SFMBT2: variants seen among roughly 807,000 people sequenced by gnomAD.
SFMBT2 encodes the protein scm-like with four MBT domains protein 2.
A neutral mutation model predicts 110.1 loss-of-function variants in SFMBT2; 38 were observed. The ratio of observed to expected loss-of-function variants is 0.35; its 90% CI spans 0.27 to 0.45. The LOEUF is 0.45. Ranked by LOEUF, SFMBT2 falls within the 20% of genes least tolerant of loss-of-function variation. SFMBT2 has a pLI of 1.00. For synonymous variants in SFMBT2, 425 were observed against 425.4 expected, an observed-to-expected ratio of 1.00 and a Z score of 0.01; for missense variants, 1,011 against 1,094.9, an observed-to-expected ratio of 0.92 and a Z score of 1.08.
chr10:7,364,741 G>A (rs534018131), intron 4 of SFMBT2, among the ~76,000 whole-genome samples: 3 of 152,310 alleles, frequency 2.0e-5, no homozygotes, highest in East Asian at 3.9e-4. Flanking sequence ...CCCACTCTAT[G>A]TGCCCCCTCT....
Position 7,252,614 on chromosome 10 carries a change from T to C in SFMBT2, c.871-3965A>G, listed in dbSNP as rs116948794. On this transcript the variant is annotated intron_variant, in intron 7 of 20. Transcript: ENST00000397167. ...ATGCGGGATGAAAATAAAAATAGCATGACATTAAAATATTCTTAAACAGTT... is the reference window on the plus strand; with the variant it reads ...ATGCGGGATGAAAATAAAAATAGCACGACATTAAAATATTCTTAAACAGTT... 5.7e-3 allele frequency among the ~76,000 whole-genome samples: 867 copies of C among 152,298 alleles called. 2 individuals carry two copies. The highest frequency in any genetic ancestry group is 8.0e-3 in the Non-Finnish European group (544 of 68,016).
At position 7,172,044 on chromosome 10, in the gene SFMBT2, G is replaced by A. The variant is rs747828301; in HGVS notation, c.2266C>T (p.Arg756Trp). The A allele has an allele frequency of 2.0e-5, 32 of 1,592,918 alleles. No individual in the cohort carries two copies. In the African/African-American group the frequency reaches 2.1e-4, roughly 11 times the overall value. The stretch of plus-strand genomic sequence containing the variant: ...CGCAGGGTGACGGCCCTCCGGGGCC[G>A]GGCCGAGGGCACCTCCGCCGACGAG... ...DTSSAEVPSA[R>W]PRRAVTLRSG... Residue 756 changes from arginine to tryptophan, a missense_variant, in exon 19 of 21, where the codon CGG (arginine) becomes TGG (tryptophan). Physicochemically the swap from Arg to Trp is moderately radical, Grantham distance 101. This residue lies in a region of SFMBT2 where 979 missense variants were observed against 1,016.1 expected (regional missense o/e 0.96). Coordinates refer to ENST00000397167, the MANE Select transcript of SFMBT2 (RefSeq NM_001387889.1). This position sits in a 1 kb window ranked among gnomAD's most constrained non-coding sequence, Gnocchi z 4.6.
In SFMBT2 at chr10:7,172,607, T is replaced by A. The variant is rs150794309; in HGVS notation, c.2039A>T (p.Asn680Ile). 3.5e-5 allele frequency: 57 copies of A among 1,614,162 alleles called. No individual in the cohort carries two copies. In the East Asian group the frequency reaches 1.3e-3, roughly 36 times the overall value. ...KISKPPIGES[N>I]PDSGHPKPAR... is the part of the protein sequence containing the mutation. ...GGGTTTGGGGTGTCCGCTGTCGGGG[T>A]TGCTTTCCCCGATGGGGGGCTTGGA... Residue 680 changes from asparagine (N) to isoleucine (I), a missense_variant, in exon 18 of 21, where the codon AAC becomes ATC. Around this residue, in one of 2 missense-constraint regions of SFMBT2, gnomAD observed 979 missense variants for 1,016.1 expected, o/e 0.96. Coordinates refer to ENST00000397167, the MANE Select transcript of SFMBT2 (RefSeq NM_001387889.1). This position sits in a 1 kb window ranked among gnomAD's most constrained non-coding sequence, Gnocchi z 4.6.
At chr10:7,284,424 T>G (rs1842032050) in intron 5 of SFMBT2, 2 of 1,169,956 alleles carry the variant, frequency 1.7e-6, no homozygotes, top group Non-Finnish European at 2.1e-6. Flanking sequence ...ACCAAACAAA[T>G]CACCCTTCCC....
chr10:7,216,187 C>A (rs1839529975), intron 11 of SFMBT2, among the ~76,000 whole-genome samples: 1 of 152,216 alleles, frequency 6.6e-6, no homozygotes, highest in Non-Finnish European at 1.5e-5. Context: ...GCCGACCCCG[C>A]TCCCATCGCA....
chr10:7,187,621 T>C (rs1005848191), intron 16 of SFMBT2, among the ~76,000 whole-genome samples: 1 of 152,232 alleles, frequency 6.6e-6, no homozygotes, highest in African/African-American at 2.4e-5. Context: ...ACACCAGGAA[T>C]GCTAAGTGGA....
chr10:7,286,987 A>C (rs893873526), intron 4 of SFMBT2, among the ~76,000 whole-genome samples: 1 of 151,092 alleles, frequency 6.6e-6, no homozygotes, highest in African/African-American at 2.4e-5. Context: ...AGGGAAACTG[A>C]GGCTGTTTCA....
At chr10:7,229,357 G>T (rs1840043258) in intron 9 of SFMBT2, among the ~76,000 whole-genome samples, 1 of 152,068 alleles carries the variant, frequency 6.6e-6, no homozygotes, top group Non-Finnish European at 1.5e-5. Flanking sequence ...GAGGCGGGTG[G>T]ATCACAAGAT....
intron 4 of SFMBT2, among the ~76,000 whole-genome samples, chr10:7,286,991 T>C (rs1842109523): frequency 6.6e-6 from 1 of 151,872 alleles, no homozygotes; most frequent in African/African-American, 2.4e-5. Flanking sequence ...AAACTGAGGC[T>C]GTTTCAGTTA....
At chr10:7,358,797 G>A (rs1031843097) in intron 4 of SFMBT2, among the ~76,000 whole-genome samples, 1 of 150,336 alleles carries the variant, frequency 6.7e-6, no homozygotes, top group African/African-American at 2.5e-5. Context: ...ATGGAGGCAT[G>A]GTGGCCCTGG....
intron 1 of SFMBT2, among the ~76,000 whole-genome samples, chr10:7,387,263 T>G (rs1845633890): frequency 6.6e-6 from 1 of 152,136 alleles, no homozygotes; most frequent in Admixed American, 6.5e-5. Context: ...CTTAGCAAAT[T>G]CTAAGACACA....
chr10:7,357,787 AC>A (rs1341477378), intron 4 of SFMBT2, among the ~76,000 whole-genome samples: 2 of 152,298 alleles, frequency 1.3e-5, no homozygotes, highest in African/African-American at 4.8e-5. Context: ...CTTTGCACAA[AC>A]CAACCATTCC....
chr10:7,220,550 C>T lies in SFMBT2; in HGVS notation c.1204-13G>A, dbSNP rs12252539. The T allele has an allele frequency of 1.2e-3, 1,929 of 1,613,860 alleles. 21 individuals carry two copies. The African/African-American group carries it at 0.023, about 19-fold the overall frequency. Reference sequence around the variant, plus strand: ...GACTGAATGATGTCTGCAAGAGAAACGAGACCAACACTGAGCCAGTGCTGA... The same window carrying T: ...GACTGAATGATGTCTGCAAGAGAAATGAGACCAACACTGAGCCAGTGCTGA... On this transcript the variant is annotated splice_polypyrimidine_tract_variant and intron_variant, in intron 10 of 20. Coordinates refer to ENST00000397167, the MANE Select transcript of SFMBT2 (RefSeq NM_001387889.1).
intron 11 of SFMBT2, chr10:7,206,839 C>T: frequency 2.0e-6 from 2 of 979,862 alleles, no homozygotes; most frequent in Non-Finnish European, 2.4e-6. Flanking sequence ...AACCAGGAAT[C>T]AAGAGATCAG....
chr10:7,176,714 A>G (rs979854258), intron 16 of SFMBT2: 1 of 154,302 alleles, frequency 6.5e-6, no homozygotes, highest in Non-Finnish European at 1.4e-5. Flanking sequence ...AAGCAAGGTC[A>G]CATTTAAATG....
intron 4 of SFMBT2, among the ~76,000 whole-genome samples, chr10:7,344,790 T>TA (rs1304753730): frequency 1.3e-5 from 2 of 151,600 alleles, no homozygotes; most frequent in Non-Finnish European, 2.9e-5. Context: ...CTGTCCCTAC[T>TA]AAAAATACAC....
chr10:7,351,828 T>C (rs1844327843), intron 4 of SFMBT2, among the ~76,000 whole-genome samples: 1 of 151,636 alleles, frequency 6.6e-6, no homozygotes, highest in Non-Finnish European at 1.5e-5. Flanking sequence ...ACTTCTCCAC[T>C]CATACGGCCC....
At chr10:7,364,216 C>G (rs568857652) in intron 4 of SFMBT2, among the ~76,000 whole-genome samples, 1 of 152,222 alleles carries the variant, frequency 6.6e-6, no homozygotes, top group Non-Finnish European at 1.5e-5. Context: ...ATACTGATTA[C>G]CCACTAAATG....
chr10:7,198,422 G>C (rs1217506426), intron 14 of SFMBT2, among the ~76,000 whole-genome samples: 1 of 152,218 alleles, frequency 6.6e-6, no homozygotes, highest in Non-Finnish European at 1.5e-5. Flanking sequence ...AGTAAGAAGA[G>C]TGGGCCAGGT....
Sources: allele counts gnomAD v4.1 joint callset (sites outside exome capture counted in the v4.1 genomes callset), GRCh38; gene constraint gnomAD v4.1.1; regional missense constraint gnomAD v4.1.1; non-coding constraint Gnocchi (gnomAD v3.1); transcripts MANE v1.5; gene names NCBI Gene and HGNC (gene_info 2026-07-23, HGNC 2026-07-21).